Variants in WWOX observed in about 807,000 individuals in gnomAD.
WWOX encodes WW domain-containing oxidoreductase.
Under a neutral mutation model 46.2 loss-of-function variants are expected in WWOX, and 69 were observed. The ratio of observed to expected loss-of-function variants is 1.49; its 90% CI spans 1.23 to 1.82. The LOEUF is 1.82. Ranked by LOEUF, WWOX falls within the 40% of genes most tolerant of loss-of-function variation. The pLI, the probability that WWOX is intolerant of heterozygous loss-of-function variation, is 0.00. For missense variants in WWOX, 919 were observed against 542.6 expected (o/e 1.69, Z -6.89); for synonymous variants, 359 against 202.6 (o/e 1.77, Z -6.56).
intron 8 of WWOX, among the ~76,000 whole-genome samples, chr16:78,503,330 G>C (rs1301505770): frequency 2.0e-5 from 3 of 151,984 alleles, no homozygotes; most frequent in Non-Finnish European, 4.4e-5. Flanking sequence ...CTACCTATAA[G>C]TACCTTCCAA....
intron 8 of WWOX, among the ~76,000 whole-genome samples, chr16:78,719,914 T>G (rs1230957460): frequency 1.3e-5 from 2 of 152,212 alleles, no homozygotes; most frequent in African/African-American, 4.8e-5. Flanking sequence ...CTTTGCAGTT[T>G]TATTCATTTT....
rs754840361 is a variant in WWOX, at chr16:79,212,044, G to GAAAGT, written c.*252_*256dup. On this transcript the variant is annotated 3_prime_UTR_variant, in exon 9 of 9. Coordinates refer to ENST00000566780, the MANE Select transcript of WWOX (RefSeq NM_016373.4). The stretch of plus-strand genomic sequence containing the variant: ...TTTGCTTTCTGGTGGTGGCCTGTTT[G>GAAAGT]AAAGTAAAAACCTGCTTGGTGTGTA... The GAAAGT allele has an allele frequency of 7.8e-6, 12 of 1,536,332 alleles. No individual in the cohort carries two copies. The highest frequency in any genetic ancestry group is 8.7e-6 in the Non-Finnish European group (10 of 1,146,920).
chr16:78,195,441 A>G (rs116013134), intron 5 of WWOX, among the ~76,000 whole-genome samples: 1,930 of 152,250 alleles, frequency 0.013, 29 homozygotes, highest in Middle Eastern at 0.048. Context: ...AGGTGTCTTA[A>G]GTACCGTTGG....
intron 8 of WWOX, among the ~76,000 whole-genome samples, chr16:78,623,688 C>T (rs2550604): frequency 0.45 from 67,291 of 149,292 alleles, 16,772 homozygotes; most frequent in Middle Eastern, 0.58. Flanking sequence ...TTAGCTGAGT[C>T]ATGTCACTGC....
intron 5 of WWOX, among the ~76,000 whole-genome samples, chr16:78,295,575 A>G (rs956375482): frequency 6.6e-6 from 1 of 152,092 alleles, no homozygotes; most frequent in Non-Finnish European, 1.5e-5. Context: ...GCCGGACATG[A>G]TGGCAAGTGC....
intron 5 of WWOX, among the ~76,000 whole-genome samples, chr16:78,383,073 G>C (rs778316026): frequency 8.6e-5 from 13 of 150,436 alleles, no homozygotes; most frequent in Non-Finnish European, 1.6e-4. Context: ...ACTGGATCAC[G>C]AGACAGCACT....
At chr16:78,659,109 C>A (rs1184160554) in intron 8 of WWOX, among the ~76,000 whole-genome samples, 1 of 148,246 alleles carries the variant, frequency 6.7e-6, no homozygotes, top group Admixed American at 6.7e-5. Context: ...AACAAACAAA[C>A]AAACAAAAAA....
At chr16:78,133,415 C>T (rs2033674908) in intron 4 of WWOX, among the ~76,000 whole-genome samples, 1 of 152,194 alleles carries the variant, frequency 6.6e-6, no homozygotes, top group African/African-American at 2.4e-5. Context: ...TGTGTGCCAC[C>T]ACGTCCAGCT....
intron 8 of WWOX, chr16:78,825,946 A>G: frequency 1.2e-6 from 1 of 803,628 alleles, no homozygotes; most frequent in Non-Finnish European, 2.0e-6. Flanking sequence ...CTCCCATCTC[A>G]GAACAGAAGG....
At chr16:78,144,473 A>ATATATATATACACG in intron 4 of WWOX, among the ~76,000 whole-genome samples, 1 of 37,588 alleles carries the variant, frequency 2.7e-5, no homozygotes, top group Non-Finnish European at 4.6e-5. Context: ...ACACACATAT[A>ATATATATATACACG]TATATATATA....
intron 5 of WWOX, among the ~76,000 whole-genome samples, chr16:78,375,885 T>G (rs1442335212): frequency 6.7e-6 from 1 of 148,606 alleles, no homozygotes; most frequent in African/African-American, 2.5e-5. Flanking sequence ...GGAGTCTTGC[T>G]CTGTTGCCCA....
In WWOX at chr16:78,933,042, G is replaced by C. The variant is rs147271975; in HGVS notation, c.1057-278566G>C. On this transcript the variant is annotated intron_variant, in intron 8 of 8. Transcript: ENST00000566780. ...GACTCTGAGTTAAGAGTTTCTATGA[G>C]ACAGAGGGCTGGACTGGGGGAGCAA... Among the ~76,000 whole-genome samples, 864 of 152,314 alleles carry C rather than the reference G, an allele frequency of 5.7e-3. 6 individuals carry two copies. The highest frequency in any genetic ancestry group is 0.019 in the African/African-American group (804 of 41,570).
chr16:78,385,814 A>C (rs186096203), intron 5 of WWOX, among the ~76,000 whole-genome samples: 1 of 152,282 alleles, frequency 6.6e-6, no homozygotes, highest in Admixed American at 6.5e-5. Context: ...TTCTTATTTG[A>C]ATAGGCAGGT....
Position 78,954,039 on chromosome 16 carries a change from T to C in WWOX, c.1057-257569T>C, listed in dbSNP as rs188478324. Among the ~76,000 whole-genome samples, 4 of 152,346 alleles carry C rather than the reference T, an allele frequency of 2.6e-5. No homozygotes were observed. The East Asian group carries it at 7.7e-4, about 29-fold the overall frequency. Reference sequence around the variant, plus strand: ...TTCATAGGTTATTTCTCCTCTTCCATAGCAACACATGTCAAGGCAAGGACC... The same window carrying C: ...TTCATAGGTTATTTCTCCTCTTCCACAGCAACACATGTCAAGGCAAGGACC... On this transcript the variant is annotated intron_variant, in intron 8 of 8. Coordinates refer to ENST00000566780, the MANE Select transcript of WWOX (RefSeq NM_016373.4).
intron 8 of WWOX, among the ~76,000 whole-genome samples, chr16:79,126,865 A>G (rs1246435298): frequency 6.6e-6 from 1 of 152,186 alleles, no homozygotes; most frequent in Non-Finnish European, 1.5e-5. Flanking sequence ...TTGTGCTCAA[A>G]GCTGAATTTT....
intron 8 of WWOX, among the ~76,000 whole-genome samples, chr16:78,914,878 C>CAA (rs1213942556): frequency 3.7e-4 from 24 of 65,632 alleles, no homozygotes; most frequent in Non-Finnish European, 4.4e-4. Flanking sequence ...GACTCCGCCT[C>CAA]AGAAAAAAAA....
At chr16:78,957,962 C>G (rs534218910) in intron 8 of WWOX, among the ~76,000 whole-genome samples, 37 of 152,326 alleles carry the variant, frequency 2.4e-4, no homozygotes, top group African/African-American at 8.4e-4. Context: ...TGCTGCAAAT[C>G]TCAGTGCCCT....
chr16:78,878,678 C>T (rs1413821647), intron 8 of WWOX, among the ~76,000 whole-genome samples: 1 of 151,960 alleles, frequency 6.6e-6, no homozygotes, highest in Non-Finnish European at 1.5e-5. Context: ...CATTTTATTC[C>T]TTAATTTCCT....
chr16:78,985,042 C>G (rs571743184), intron 8 of WWOX, among the ~76,000 whole-genome samples: 2 of 152,314 alleles, frequency 1.3e-5, no homozygotes, highest in African/African-American at 4.8e-5. Context: ...CCCTTGCCCC[C>G]TCCACCCCGC....
Sources: allele counts gnomAD v4.1 joint callset (sites outside exome capture counted in the v4.1 genomes callset), GRCh38; gene constraint gnomAD v4.1.1; transcripts MANE v1.5; gene names NCBI Gene and HGNC (gene_info 2026-07-23, HGNC 2026-07-21).